Variants in CLTA observed in about 807,000 individuals in gnomAD.
The protein encoded by CLTA is clathrin light chain A.
A neutral mutation model predicts 26.9 loss-of-function variants in CLTA; 9 were observed. The observed-to-expected ratio is 0.33, with a 90% confidence interval of 0.20 to 0.58. The LOEUF (loss-of-function observed/expected upper bound fraction) is 0.58. Ranked by LOEUF, CLTA falls within the 20% of genes least tolerant of loss-of-function variation. The pLI, the probability that CLTA is intolerant of heterozygous loss-of-function variation, is 0.85. For synonymous variants in CLTA, 120 were observed against 115.5 expected, an observed-to-expected ratio of 1.04 and a Z score of -0.25; for missense variants, 278 against 294.2, an observed-to-expected ratio of 0.94 and a Z score of 0.40.
chr9:36,207,047 G>A (rs1348369273), intron 4 of CLTA, among the ~76,000 whole-genome samples: 1 of 152,178 alleles, frequency 6.6e-6, no homozygotes, highest in Admixed American at 6.5e-5. Flanking sequence ...GACAGGAAGG[G>A]CATCCAGTTA....
rs190958684 is a variant in CLTA, at chr9:36,203,512, C to G, written c.374-556C>G. Among the ~76,000 whole-genome samples the G allele has an allele frequency of 5.3e-3, 800 of 152,232 alleles. 9 individuals carry two copies. The highest frequency in any genetic ancestry group is 0.018 in the African/African-American group (748 of 41,532). On this transcript the variant is annotated intron_variant, in intron 3 of 4. Coordinates refer to ENST00000345519, the MANE Select transcript of CLTA (RefSeq NM_001833.4). Reference sequence around the variant, plus strand: ...CCTTTGGTAATTGTCCTAATAGCACCCTGCCTCACAGAAGTGCTTCTACCA... The same window carrying G: ...CCTTTGGTAATTGTCCTAATAGCACGCTGCCTCACAGAAGTGCTTCTACCA...
intron 1 of CLTA, among the ~76,000 whole-genome samples, chr9:36,194,009 T>C (rs1826889212): frequency 6.6e-6 from 1 of 151,644 alleles, no homozygotes; most frequent in Non-Finnish European, 1.5e-5. Context: ...ACAGAGAGAG[T>C]ACAGCAGTAA....
chr9:36,204,673 G>C (rs1827612901), intron 4 of CLTA, among the ~76,000 whole-genome samples: 1 of 152,134 alleles, frequency 6.6e-6, no homozygotes. Flanking sequence ...GGGTTCTGTG[G>C]GTACTTATTT....
chr9:36,197,585 C>T lies in CLTA; in HGVS notation c.252C>T (p.Tyr84=), dbSNP rs748495806. 3.7e-6 allele frequency: 6 copies of T among 1,605,930 alleles called. No homozygotes were observed. The highest frequency in any genetic ancestry group is 4.3e-6 in the Non-Finnish European group (5 of 1,173,756). Residue 84 remains tyrosine, a synonymous_variant, in exon 2 of 5, where the codon TAC becomes TAT. Transcript: ENST00000345519. Reference sequence around the variant, plus strand: ...ATGGAGTAATGAATGGTGAATACTACCAGGTACAGAGTACTCTGATTCTGT... The same window carrying T: ...ATGGAGTAATGAATGGTGAATACTATCAGGTACAGAGTACTCTGATTCTGT... ...AVDGVMNGEY[Y]QESNGPTDSY... is the part of the protein sequence containing the mutation.
chr9:36,208,804 G>A (rs1263096232), intron 4 of CLTA, among the ~76,000 whole-genome samples: 1 of 152,198 alleles, frequency 6.6e-6, no homozygotes, highest in East Asian at 1.9e-4. Flanking sequence ...TGGACTTAGG[G>A]CCAGGCTGCC....
At chr9:36,200,274 T>C (rs771050586) in intron 3 of CLTA, among the ~76,000 whole-genome samples, 4 of 152,198 alleles carry the variant, frequency 2.6e-5, no homozygotes, top group Non-Finnish European at 4.4e-5. Context: ...AAAATAAACA[T>C]GTGCACCCCC....
In CLTA at chr9:36,211,952, A is replaced by AGAGAGGAGG; in HGVS notation, c.*188_*196dup. The AGAGAGGAGG allele has an allele frequency of 1.4e-6, 1 of 713,184 alleles. No individual in the cohort carries two copies. Among genetic ancestry groups the AGAGAGGAGG allele is most frequent in the Non-Finnish European group, 2.5e-6 (1 of 405,096 alleles). The allele number at this position is 713,184 out of a possible 1,614,324, so 44.2% of individuals were successfully genotyped here. A position where few individuals can be genotyped will look rare whatever the true frequency, so the allele number is the denominator to read the frequency against. On this transcript the variant is annotated 3_prime_UTR_variant, in exon 5 of 5. Transcript: ENST00000345519. ...TTCAACTGTGTTCTCCCTGGCATTC[A>AGAGAGGAGG]GAGAGGAGGGAGAGGAGGAAGAGGA...
chr9:36,199,513 GATCTCGGCTCATTGCA>G (rs1827275579), intron 3 of CLTA, among the ~76,000 whole-genome samples: 1 of 149,800 alleles, frequency 6.7e-6, no homozygotes. Flanking sequence ...GCAGTGGTGC[GATCTCGGCTCATTGCA>G]AGCTCTGCCT....
upstream of CLTA, chr9:36,190,918 C>T: frequency 7.2e-7 from 1 of 1,384,984 alleles, no homozygotes; most frequent in Admixed American, 3.2e-5. Context: ...ACGGGTAGGG[C>T]TTCCGCTTTA....
intron 4 of CLTA, among the ~76,000 whole-genome samples, chr9:36,205,078 G>T (rs766308915): frequency 6.6e-6 from 1 of 152,234 alleles, no homozygotes; most frequent in Non-Finnish European, 1.5e-5. Context: ...CAGAGATGTG[G>T]CAGGAGAGAG....
At chr9:36,199,617 A>AT (rs11377472) in intron 3 of CLTA, among the ~76,000 whole-genome samples, 54,719 of 146,470 alleles carry the variant, frequency 0.37, 11,086 homozygotes, top group African/African-American at 0.56. Context: ...CGTCCCGCTC[A>AT]TTTTTTTTTT....
At chr9:36,191,865 G>A (rs1314939394) in intron 1 of CLTA, among the ~76,000 whole-genome samples, 1 of 152,210 alleles carries the variant, frequency 6.6e-6, no homozygotes, top group African/African-American at 2.4e-5. Flanking sequence ...GTTTGCTATC[G>A]TTGAGCGATT....
intron 1 of CLTA, among the ~76,000 whole-genome samples, chr9:36,192,625 T>C (rs1826798450): frequency 6.6e-6 from 1 of 152,086 alleles, no homozygotes; most frequent in African/African-American, 2.4e-5. Context: ...GGGTGGTCTC[T>C]AACATTTGTC....
Position 36,192,151 on chromosome 9 carries a change from A to G in CLTA, c.217+878A>G, listed in dbSNP as rs564837315. On this transcript the variant is annotated intron_variant, in intron 1 of 4. Transcript: ENST00000345519. ...GAAATTTAGCTAGAAGAAATGAAAT[A>G]CGGCTTTTCATTCACTTAAAAAATT... is the stretch of plus-strand genomic sequence containing the variant. Among the ~76,000 whole-genome samples the G allele has an allele frequency of 2.6e-5, 4 of 152,334 alleles. No individual in the cohort carries two copies. The South Asian group carries it at 8.3e-4, about 32-fold the overall frequency.
rs1028246769 is a variant in CLTA at position 36,198,349 on chromosome 9, C to T, written c.256-630C>T. On this transcript the variant is annotated intron_variant, in intron 2 of 4. Transcript: ENST00000345519. Reference sequence around the variant, plus strand: ...CAGAACCCGTTTCTAACAACAATGGCGGCTTTTGTAAAATGTTAAAGGATT... The same window carrying T: ...CAGAACCCGTTTCTAACAACAATGGTGGCTTTTGTAAAATGTTAAAGGATT... 6.6e-5 allele frequency among the ~76,000 whole-genome samples: 10 copies of T among 151,780 alleles called. 1 individual carries two copies. Among genetic ancestry groups the T allele is most frequent in the Admixed American group, 2.6e-4 (4 of 15,260 alleles).
intron 4 of CLTA, among the ~76,000 whole-genome samples, chr9:36,206,008 C>A (rs1004163264): frequency 1.3e-5 from 2 of 152,104 alleles, no homozygotes; most frequent in Non-Finnish European, 2.9e-5. Context: ...GATCTGCCTT[C>A]CTTGGCCTCC....
intron 3 of CLTA, among the ~76,000 whole-genome samples, chr9:36,200,665 TC>T (rs1184032984): frequency 5.3e-5 from 8 of 152,228 alleles, no homozygotes; most frequent in African/African-American, 1.9e-4. Context: ...ATAGCACCAT[TC>T]ATTAGTGATT....
intron 1 of CLTA, among the ~76,000 whole-genome samples, chr9:36,193,592 G>A (rs1826861538): frequency 6.6e-6 from 1 of 151,952 alleles, no homozygotes; most frequent in African/African-American, 2.4e-5. Flanking sequence ...GGAGTTACAA[G>A]GCCTTTAGGC....
At chr9:36,204,217 A>C in intron 4 of CLTA, 38 bp downstream of exon 4, 2 of 1,578,430 alleles carry the variant, frequency 1.3e-6, no homozygotes, top group Non-Finnish European at 1.7e-6. Flanking sequence ...TTGTTTTCCA[A>C]AATTGAATCA....
Sources: gnomAD v4.1 joint callset for allele counts (sites outside exome capture counted in the v4.1 genomes callset) on GRCh38, gnomAD v4.1.1 for gene constraint, MANE v1.5 for transcripts, NCBI Gene and HGNC (gene_info 2026-07-23, HGNC 2026-07-21) for gene names.